SIRT3: variants seen among roughly 807,000 people sequenced by gnomAD.
The protein encoded by SIRT3 is NAD-dependent protein deacetylase sirtuin-3, mitochondrial.
SIRT3 carries 26 observed loss-of-function variants against 33.5 expected under a neutral mutation model. The observed-to-expected ratio is 0.78, with a 90% CI of 0.57 to 1.08. SIRT3 has a LOEUF of 1.08. Among genes scored for constraint, SIRT3 ranks in the 50% least tolerant of loss-of-function variants. The pLI is 0.00. For synonymous variants in SIRT3, 237 were observed against 222.1 expected (o/e 1.07, Z -0.60); for missense variants, 585 against 530.1 (o/e 1.10, Z -1.02).
intron 4 of SIRT3, among the ~76,000 whole-genome samples, chr11:228,346 T>C (rs1191992290): frequency 2.0e-5 from 3 of 152,230 alleles, no homozygotes; most frequent in Non-Finnish European, 2.9e-5. Flanking sequence ...AAGTTTCTAC[T>C]ATGTGCTGGA....
At chr11:216,788 C>G in intron 6 of SIRT3, 70 bp from the exon 7 acceptor site, 1 of 1,520,346 alleles carries the variant, frequency 6.6e-7, no homozygotes, top group South Asian at 1.1e-5. Flanking sequence ...GATCTCTGTT[C>G]AAACAGCTCT....
rs201576457 is a variant in SIRT3 at position 224,205 on chromosome 11, G to A, written c.842C>T (p.Pro281Leu). 2.0e-5 allele frequency: 32 copies of A among 1,614,016 alleles called. No individual in the cohort carries two copies. The highest frequency in any genetic ancestry group is 5.5e-5 in the South Asian group (5 of 91,090). The change falls in exon 5 of 7, where the codon CCG becomes CTG. Residue 281 changes from proline to leucine, a missense_variant. Pro to Leu is a moderately conservative substitution (Grantham distance 98, BLOSUM62 -3). Coordinates refer to ENST00000382743, the MANE Select transcript of SIRT3 (RefSeq NM_012239.6). ...DVMADRVPRC[P>L]VCTGVVKPDI... is the part of the protein sequence containing the mutation. ...GGGCTTCACAACGCCGGTGCAGACCGGGCAGCGGGGAACCCTGTCTGCCAT... is the reference window on the plus strand; with the variant it reads ...GGGCTTCACAACGCCGGTGCAGACCAGGCAGCGGGGAACCCTGTCTGCCAT...
rs147144346 is a variant in SIRT3, at chr11:233,357, G to A, written c.459C>T (p.Gly153=). ...MVGAGISTPS[G]IPDFRSPGSG... ...GTGGGCAGTACCTGAAGTCTGGAAT[G>A]CCACTGGGTGTGCTGATGCCGGCCC... Residue 153 remains glycine, a synonymous_variant, in exon 2 of 7, where the codon GGC becomes GGT. Coordinates refer to ENST00000382743, the MANE Select transcript of SIRT3 (RefSeq NM_012239.6). 1.5e-4 allele frequency: 246 copies of A among 1,613,750 alleles called. 1 individual carries two copies. The African/African-American group carries it at 3.1e-3, about 20-fold the overall frequency.
chr11:222,264 T>C (rs1856540972), intron 5 of SIRT3: 1 of 154,052 alleles, frequency 6.5e-6, no homozygotes, highest in Non-Finnish European at 1.4e-5. Flanking sequence ...CTCCTGCCTC[T>C]GGGCCTTCCT....
intron 1 of SIRT3, among the ~76,000 whole-genome samples, chr11:234,788 G>C (rs1468780322): frequency 6.6e-6 from 1 of 151,908 alleles, no homozygotes; most frequent in Non-Finnish European, 1.5e-5. Flanking sequence ...GTAGGTCCTG[G>C]TCCCTGCTCC....
At chr11:216,907 T>C (rs1855727345) in intron 6 of SIRT3, among the ~76,000 whole-genome samples, 189 bp from the exon 7 acceptor site, 1 of 152,250 alleles carries the variant, frequency 6.6e-6, no homozygotes, top group Non-Finnish European at 1.5e-5. Context: ...ACAGGGTGGC[T>C]AAATGGAGAG....
At position 224,084 on chromosome 11, in the gene SIRT3, G is replaced by A; in HGVS notation, c.963C>T (p.Ser321=). The A allele has an allele frequency of 6.2e-7, 1 of 1,614,116 alleles. No individual in the cohort carries two copies. Among genetic ancestry groups the A allele is most frequent in the South Asian group, 1.1e-5 (1 of 91,084 alleles). The change falls in exon 5 of 7, where the codon TCC becomes TCT. Residue 321 remains serine (S), a synonymous_variant. Coordinates refer to ENST00000382743, the MANE Select transcript of SIRT3 (RefSeq NM_012239.6). The part of the protein sequence containing the change: ...MADLLLILGT[S]LEVEPFASLT... ...CACAGGCCTGCTGACAAACCTCCAGGGAGGTCCCAAGGATGAGCAGCAGAT... is the reference window on the plus strand; with the variant it reads ...CACAGGCCTGCTGACAAACCTCCAGAGAGGTCCCAAGGATGAGCAGCAGAT...
rs570230301 is a variant in SIRT3 at position 219,352 on chromosome 11, G to A, written c.970-311C>T. On this transcript the variant is annotated intron_variant, in intron 5 of 6. Transcript: ENST00000382743. ...CTTCCTGCCTCCTCTTTGTGAGCACGTTCTGTTCTCCCTGTCCTCCCCACC... is the reference window on the plus strand; with the variant it reads ...CTTCCTGCCTCCTCTTTGTGAGCACATTCTGTTCTCCCTGTCCTCCCCACC... Among the ~76,000 whole-genome samples the A allele has an allele frequency of 5.9e-5, 9 of 152,134 alleles. No individual in the cohort carries two copies. In the East Asian group the frequency reaches 1.2e-3, roughly 20 times the overall value.
rs200230123 is a variant in SIRT3 at position 221,432 on chromosome 11, A to G, written c.970-2391T>C. On this transcript the variant is annotated intron_variant, in intron 5 of 6. Transcript: ENST00000382743. ...GGCCCAGCATTACTTTTAATGTAAA[A>G]ATTATATACTATTTATTATCATTGT... Among the ~76,000 whole-genome samples, 4 of 152,336 alleles carry G rather than the reference A, an allele frequency of 2.6e-5. No homozygotes were observed. The East Asian group carries it at 7.7e-4, about 29-fold the overall frequency.
At chr11:233,659 G>A in intron 1 of SIRT3, 125 bp from the exon 2 acceptor site, 2 of 829,026 alleles carry the variant, frequency 2.4e-6, no homozygotes, top group Non-Finnish European at 3.8e-6. Context: ...TGTCTCCCCA[G>A]GCCTCTCAAA....
In SIRT3 at chr11:233,562, GAAACA is replaced by G. The variant is rs1244200836; in HGVS notation, c.282-33_282-29del. The G allele has an allele frequency of 5.6e-6, 9 of 1,609,602 alleles. No individual in the cohort carries two copies. In the African/African-American group the frequency reaches 1.1e-4, roughly 19 times the overall value. On this transcript the variant is annotated intron_variant, in intron 1 of 6. Coordinates refer to ENST00000382743, the MANE Select transcript of SIRT3 (RefSeq NM_012239.6). ...GACAGAAAAAAACACAGCAGCAAAG[GAAACA>G]GATAGCAACCAATCTCAGGATAGCA...
At chr11:221,102 A>G (rs11246005) in intron 5 of SIRT3, among the ~76,000 whole-genome samples, 74 of 151,390 alleles carry the variant, frequency 4.9e-4, no homozygotes, top group African/African-American at 1.5e-3. Flanking sequence ...TACTTGCATG[A>G]GTAGATAAGG....
chr11:236,359 T>A (rs557366229), upstream of SIRT3: 1 of 1,166,208 alleles, frequency 8.6e-7, no homozygotes, highest in African/African-American at 2.3e-5. Flanking sequence ...TCCTCCGGAC[T>A]CGCCCCGCCC....
At chr11:217,345 G>A (rs1157372475) in intron 6 of SIRT3, among the ~76,000 whole-genome samples, 1 of 152,260 alleles carries the variant, frequency 6.6e-6, no homozygotes, top group Non-Finnish European at 1.5e-5. Flanking sequence ...AGCTGCTCAG[G>A]AGGCTGAGGC....
chr11:233,148 CA>C lies in SIRT3; in HGVS notation c.540del (p.Phe180LeufsTer93), dbSNP rs747025030. The part of the protein sequence containing the change: ...QYDLPYPEAI[F>X]ELPFFFHNPK... ...GGGTTGTGAAAGAAGAATGGGAGTT[CA>C]AAAATGGCCTCGGGGTACGGGAGAT... On this transcript the variant is annotated frameshift_variant, in exon 3 of 7. Transcript: ENST00000382743. LOFTEE classifies it high-confidence loss of function. 1 of 1,614,062 alleles carries C rather than the reference CA, an allele frequency of 6.2e-7. No homozygotes were observed. Among genetic ancestry groups the C allele is most frequent in the Non-Finnish European group, 8.5e-7 (1 of 1,180,012 alleles).
chr11:226,879 G>A (rs776190271), intron 4 of SIRT3, among the ~76,000 whole-genome samples: 4 of 150,438 alleles, frequency 2.7e-5, no homozygotes, highest in East Asian at 2.0e-4. Context: ...TCAGCCTCCC[G>A]AGTATCTGAG....
Position 216,681 on chromosome 11 carries a change from T to TG in SIRT3, c.*16dup. 6.2e-7 allele frequency: 1 copy of TG among 1,613,898 alleles called. No homozygotes were observed. The highest frequency in any genetic ancestry group is 8.5e-7 in the Non-Finnish European group (1 of 1,179,826). On this transcript the variant is annotated 3_prime_UTR_variant, in exon 7 of 7. Coordinates refer to ENST00000382743, the MANE Select transcript of SIRT3 (RefSeq NM_012239.6). ...GTCTCCTATGTTACCATTTATTGTG[T>TG]GGGGGCAGCCATCATCCTATTTGTC...
rs902060553 is a variant in SIRT3, at chr11:219,187, T to C, written c.970-146A>G. 3.8e-6 allele frequency: 4 copies of C among 1,048,054 alleles called. No homozygotes were observed. The African/African-American group carries it at 6.4e-5, about 17-fold the overall frequency. The allele number at this position is 1,048,054 out of a possible 1,614,324, so 64.9% of individuals were successfully genotyped here. The stretch of plus-strand genomic sequence containing the variant: ...TAGGGAAAACCCACCACCAATCTCA[T>C]TTCTTCAGCTGAGCTCCTGCCGCTT... On this transcript the variant is annotated intron_variant, in intron 5 of 6. Transcript: ENST00000382743.
rs1855646885 is a variant in SIRT3 at position 216,376 on chromosome 11, T to C, written c.*322A>G. 3.3e-6 allele frequency: 1 copy of C among 302,638 alleles called. No homozygotes were observed. Among genetic ancestry groups the C allele is most frequent in the Non-Finnish European group, 6.2e-6 (1 of 162,446 alleles). 18.7% of individuals were successfully genotyped at this position (302,638 alleles called of 1,614,324 possible). A position where few individuals can be genotyped will look rare whatever the true frequency, so the allele number is the denominator to read the frequency against. On this transcript the variant is annotated 3_prime_UTR_variant, in exon 7 of 7. Transcript: ENST00000382743. ...AGCAGACTCGGTCTGGGATTCCAGT[T>C]GGTCTGATTCAGTTCAAGAGGGTCA... is the stretch of plus-strand genomic sequence containing the variant.
Sources: gnomAD v4.1 joint callset for allele counts (sites outside exome capture counted in the v4.1 genomes callset) on GRCh38, gnomAD v4.1.1 for gene constraint, MANE v1.5 for transcripts, NCBI Gene and HGNC (gene_info 2026-07-23, HGNC 2026-07-21) for gene names.